The following TELO2 variants were observed in gnomAD, a reference collection of about 807,000 sequenced individuals.
The protein encoded by TELO2 is telomere maintenance 2.
Under a neutral mutation model 91.0 loss-of-function variants are expected in TELO2, and 71 were observed. That is an observed-to-expected ratio of 0.78 (90% CI 0.64 to 0.95). TELO2 has a LOEUF of 0.95. TELO2 is among the 40% of genes least tolerant of loss of function. The probability of loss-of-function intolerance (pLI) is 0.00; values close to 1 mark genes in which losing one functional copy is unlikely to be tolerated. For synonymous variants in TELO2, 584 were observed against 518.9 expected (o/e 1.13, Z -1.71); for missense variants, 1,183 against 1,141.3 (o/e 1.04, Z -0.53).
At chr16:1,496,989 T>G (rs761941595) in intron 3 of TELO2, 47 bp from the exon 4 acceptor site, 3 of 1,593,320 alleles carry the variant, frequency 1.9e-6, no homozygotes, top group East Asian at 4.5e-5. Flanking sequence ...GATGTTCTTT[T>G]GTGCCTTCCC....
At chr16:1,506,736 T>C (rs2039907707) in intron 17 of TELO2, 2 of 1,384,298 alleles carry the variant, frequency 1.4e-6, no homozygotes, top group Non-Finnish European at 1.9e-6. Context: ...GGTCTCGGCG[T>C]TGGGAACTCC....
Position 1,509,929 on chromosome 16 carries a change from C to T in TELO2, c.2507C>T (p.Ser836Phe), listed in dbSNP as rs767970522. The change falls in exon 21 of 21, where the codon TCT becomes TTT. Residue 836 changes from serine (S) to phenylalanine (F), a missense_variant. Transcript: ENST00000262319. ...RLKNRLLPPA[S>F]P The stretch of plus-strand genomic sequence containing the variant: ...AAGAACAGGCTCCTCCCACCCGCGT[C>T]TCCCTAGTCCCTGGAGGCCTCCCCA... 3 of 1,594,098 alleles carry T rather than the reference C, an allele frequency of 1.9e-6. No homozygotes were observed. Among genetic ancestry groups the T allele is most frequent in the East Asian group, 4.6e-5 (2 of 43,634 alleles).
rs771770054 is a variant in TELO2 at position 1,510,422 on chromosome 16, C to T, written c.*486C>T. 3.1e-4 allele frequency: 70 copies of T among 222,310 alleles called. No individual in the cohort carries two copies. The highest frequency in any genetic ancestry group is 5.2e-4 in the Admixed American group (10 of 19,074). The allele number at this position is 222,310 out of a possible 1,614,324, so 13.8% of individuals were successfully genotyped here. A position where few individuals can be genotyped will look rare whatever the true frequency, so the allele number is the denominator to read the frequency against. On this transcript the variant is annotated 3_prime_UTR_variant, in exon 21 of 21. Transcript: ENST00000262319. ...TCGTGGGGCGGGATGGGACAGGGCA[C>T]GGGCTCTCAGAAAATAAACTGCTTT...
chr16:1,502,761 G>A lies in TELO2; in HGVS notation c.1770G>A (p.Pro590=), dbSNP rs1215873785. 8 of 1,611,312 alleles carry A rather than the reference G, an allele frequency of 5.0e-6. No individual in the cohort carries two copies. Among genetic ancestry groups the A allele is most frequent in the Non-Finnish European group, 5.9e-6 (7 of 1,179,712 alleles). Residue 590 remains proline, a splice_region_variant and synonymous_variant, in exon 14 of 21, where the codon CCG becomes CCA. Coordinates refer to ENST00000262319, the MANE Select transcript of TELO2 (RefSeq NM_016111.4). The part of the protein sequence containing the change: ...LVAVTVTDPA[P]VADYLTSQFY... ...CCGTCACGGTCACAGACCCGGCCCCGGTGAGTTCCCGCACCCGTGGCCCTG... is the reference window on the plus strand; with the variant it reads ...CCGTCACGGTCACAGACCCGGCCCCAGTGAGTTCCCGCACCCGTGGCCCTG...
intron 3 of TELO2, among the ~76,000 whole-genome samples, chr16:1,496,162 G>T (rs1367058460): frequency 2.0e-5 from 3 of 152,204 alleles, no homozygotes; most frequent in Non-Finnish European, 4.4e-5. Context: ...AGCTCCAGGC[G>T]ACAGCTCAGA....
In TELO2 at chr16:1,494,107, T is replaced by C. The variant is rs555710802; in HGVS notation, c.-36-139T>C. 6.0e-5 allele frequency: 37 copies of C among 613,388 alleles called. No individual in the cohort carries two copies. The highest frequency in any genetic ancestry group is 4.1e-4 in the Admixed American group (14 of 33,822). The allele number at this position is 613,388 out of a possible 1,614,324, so 38.0% of individuals were successfully genotyped here. On this transcript the variant is annotated intron_variant, in intron 1 of 20. Transcript: ENST00000262319. This position sits in a 1 kb window ranked among gnomAD's most constrained non-coding sequence, Gnocchi z 5.6. ...ACTCTGGGTGGAAACCGGCAGGCAC[T>C]GGAGGGGAAGGAGGCGGGACAGGGT...
chr16:1,501,404 T>C lies in TELO2; in HGVS notation c.1282-16T>C, dbSNP rs768309509. On this transcript the variant is annotated splice_polypyrimidine_tract_variant and intron_variant, in intron 9 of 20. Transcript: ENST00000262319. ...GCAGCCTGGCGGATGCCGCTGAGCC[T>C]GCTCCCCTGCTGTAGTACGAAGAGG... The C allele has an allele frequency of 3.7e-6, 6 of 1,611,282 alleles. No homozygotes were observed. In the Admixed American group the frequency reaches 8.4e-5, roughly 22 times the overall value.
chr16:1,500,407 C>G lies in TELO2; in HGVS notation c.1063C>G (p.Pro355Ala), dbSNP rs1220272209. The stretch of plus-strand genomic sequence containing the variant: ...CAGTGCCATCCGCCACACTCCCCTG[C>G]CGCAGCAGCGCCACGTCAGCAAGGC... ...SSSAIRHTPL[P>A]QQRHVSKAVL... Residue 355 changes from proline (P) to alanine (A), a missense_variant, in exon 8 of 21, where the codon CCG becomes GCG. Physicochemically the swap from Pro to Ala is conservative, Grantham distance 27. Transcript: ENST00000262319. 6.2e-7 allele frequency: 1 copy of G among 1,603,436 alleles called. No homozygotes were observed.
In TELO2 at chr16:1,502,417, C is replaced by A; in HGVS notation, c.1653+13C>A. On this transcript the variant is annotated intron_variant, in intron 13 of 20. Transcript: ENST00000262319. ...AGCCACTCGGGAGGTGAGTGGGGGG[C>A]GGGAGTGGGTGGGGAGGCCCAAGAT... 1 of 1,330,916 alleles carries A rather than the reference C, an allele frequency of 7.5e-7. No homozygotes were observed. Among genetic ancestry groups the A allele is most frequent in the Non-Finnish European group, 1.0e-6 (1 of 959,064 alleles). The allele number at this position is 1,330,916 out of a possible 1,614,324, so 82.4% of individuals were successfully genotyped here. A position where few individuals can be genotyped will look rare whatever the true frequency, so the allele number is the denominator to read the frequency against.
chr16:1,494,185 C>A lies in TELO2; in HGVS notation c.-36-61C>A. On this transcript the variant is annotated intron_variant, in intron 1 of 20. Transcript: ENST00000262319. The surrounding 1 kb of genome is among the most constrained non-coding windows in gnomAD (Gnocchi z 5.6). The stretch of plus-strand genomic sequence containing the variant: ...GGGTCTCGGGGCGCTCACCGAGGGG[C>A]TTCCTGAGCTTGTGTGGATTATTTC... 1 of 1,223,770 alleles carries A rather than the reference C, an allele frequency of 8.2e-7. No homozygotes were observed. The highest frequency in any genetic ancestry group is 1.1e-6 in the Non-Finnish European group (1 of 874,780). The allele number at this position is 1,223,770 out of a possible 1,614,324, so 75.8% of individuals were successfully genotyped here. A position where few individuals can be genotyped will look rare whatever the true frequency, so the allele number is the denominator to read the frequency against.
chr16:1,494,625 G>T lies in TELO2; in HGVS notation c.335+9G>T. 6.2e-7 allele frequency: 1 copy of T among 1,607,664 alleles called. No individual in the cohort carries two copies. The highest frequency in any genetic ancestry group is 8.5e-7 in the Non-Finnish European group (1 of 1,176,686). On this transcript the variant is annotated intron_variant, in intron 2 of 20. Coordinates refer to ENST00000262319, the MANE Select transcript of TELO2 (RefSeq NM_016111.4). The surrounding 1 kb of genome is among the most constrained non-coding windows in gnomAD (Gnocchi z 5.6). ...ATCGAGGGTGCTGCGGGGTGAGTGGGCTGGGCCCATCCTGGGGTTGCCGGT... is the reference window on the plus strand; with the variant it reads ...ATCGAGGGTGCTGCGGGGTGAGTGGTCTGGGCCCATCCTGGGGTTGCCGGT...
rs1190862460 is a variant in TELO2 at position 1,507,292 on chromosome 16, C to T, written c.2227-14C>T. 2 of 1,607,332 alleles carry T rather than the reference C, an allele frequency of 1.2e-6. No individual in the cohort carries two copies. Among genetic ancestry groups the T allele is most frequent in the Non-Finnish European group, 1.7e-6 (2 of 1,179,842 alleles). On this transcript the variant is annotated splice_polypyrimidine_tract_variant and intron_variant, in intron 18 of 20. Transcript: ENST00000262319. Reference sequence around the variant, plus strand: ...CGTCGGGACCCCACTGACTGTCCCTCTGCTGGTGTCCAGGTGGCTGTGGCC... The same window carrying T: ...CGTCGGGACCCCACTGACTGTCCCTTTGCTGGTGTCCAGGTGGCTGTGGCC...
chr16:1,508,110 C>A (rs911356653), intron 20 of TELO2, among the ~76,000 whole-genome samples: 3 of 152,060 alleles, frequency 2.0e-5, no homozygotes, highest in African/African-American at 4.8e-5. Flanking sequence ...TGGGCCCCTC[C>A]GGCCGGTGCA....
intron 18 of TELO2, 83 bp from the exon 19 acceptor site, chr16:1,507,223 C>G: frequency 6.5e-7 from 1 of 1,548,764 alleles, no homozygotes; most frequent in African/African-American, 1.4e-5. Flanking sequence ...CCTGCTGCTG[C>G]CCAGCAGCGG....
At position 1,505,134 on chromosome 16, in the gene TELO2, G is replaced by A. The variant is rs753342818; in HGVS notation, c.1843-276G>A. The stretch of plus-strand genomic sequence containing the variant: ...TGGGATAAGGGCATGTGGCTCTGGC[G>A]TGGCGGGACTGCGTGGCTTTAGGAT... On this transcript the variant is annotated intron_variant, in intron 15 of 20. Coordinates refer to ENST00000262319, the MANE Select transcript of TELO2 (RefSeq NM_016111.4). The surrounding 1 kb of genome is among the most constrained non-coding windows in gnomAD (Gnocchi z 4.3). The A allele has an allele frequency of 3.8e-5, 16 of 420,742 alleles. No homozygotes were observed. Among genetic ancestry groups the A allele is most frequent in the African/African-American group, 2.2e-4 (11 of 50,684 alleles). The allele number at this position is 420,742 out of a possible 1,614,324, so 26.1% of individuals were successfully genotyped here.
chr16:1,501,908 G>A lies in TELO2; in HGVS notation c.1472+135G>A, dbSNP rs184893620. The A allele has an allele frequency of 8.0e-5, 115 of 1,433,732 alleles. No individual in the cohort carries two copies. In the Middle Eastern group the frequency reaches 1.2e-3, roughly 15 times the overall value. 88.8% of individuals were successfully genotyped at this position (1,433,732 alleles called of 1,614,324 possible). On this transcript the variant is annotated intron_variant, in intron 11 of 20. Coordinates refer to ENST00000262319, the MANE Select transcript of TELO2 (RefSeq NM_016111.4). ...CTCTTTCGTCCTCATGTGAGGGCCC[G>A]CAGCTCCCAGCTCCACCGTAGGCGC... is the stretch of plus-strand genomic sequence containing the variant.
At chr16:1,502,541 T>C (rs1567301404) in intron 13 of TELO2, 104 bp from the exon 14 acceptor site, 3 of 1,510,520 alleles carry the variant, frequency 2.0e-6, no homozygotes, top group Middle Eastern at 1.9e-4. Flanking sequence ...GCCTGCGGCC[T>C]GGGGCCTCTG....
intron 16 of TELO2, 148 bp from the exon 17 acceptor site, chr16:1,506,090 C>T (rs922103464): frequency 2.4e-6 from 2 of 828,492 alleles, no homozygotes. Context: ...CCCATGGGGC[C>T]TGGGAGCTGG....
At chr16:1,499,819 C>T (rs2039613259) in intron 6 of TELO2, among the ~76,000 whole-genome samples, 1 of 152,208 alleles carries the variant, frequency 6.6e-6, no homozygotes, top group South Asian at 2.1e-4. Flanking sequence ...GAGGCCCTGC[C>T]CCAGCACGGC....
Sources: gnomAD v4.1 joint callset for allele counts (sites outside exome capture counted in the v4.1 genomes callset) on GRCh38, gnomAD v4.1.1 for gene constraint, Gnocchi (gnomAD v3.1) non-coding constraint, MANE v1.5 for transcripts, NCBI Gene and HGNC (gene_info 2026-07-23, HGNC 2026-07-21) for gene names.